MARCHF1: variants seen among roughly 807,000 people sequenced by gnomAD.
The protein encoded by MARCHF1 is E3 ubiquitin-protein ligase MARCHF1.
A neutral mutation model predicts 54.2 loss-of-function variants in MARCHF1; 40 were observed. That is an observed-to-expected ratio of 0.74 (90% CI 0.57 to 0.96). The LOEUF is 0.96. MARCHF1 is among the 40% of genes least tolerant of loss of function. The pLI, the probability that MARCHF1 is intolerant of heterozygous loss-of-function variation, is 0.00. For missense variants in MARCHF1, 586 were observed against 656.5 expected (o/e 0.89, Z 1.17); for synonymous variants, 236 against 236.3 (o/e 1.00, Z 0.01).
At chr4:163,774,163 A>C (rs1747239168) in intron 4 of MARCHF1, among the ~76,000 whole-genome samples, 2 of 152,186 alleles carry the variant, frequency 1.3e-5, no homozygotes, top group Non-Finnish European at 2.9e-5. Flanking sequence ...CCTCTTATAT[A>C]TTTAAATCAT....
chr4:163,668,658 A>T (rs1743624234), intron 5 of MARCHF1, among the ~76,000 whole-genome samples: 1 of 152,170 alleles, frequency 6.6e-6, no homozygotes, highest in Admixed American at 6.6e-5. Context: ...ATCAGTAAAG[A>T]GCTGGGTGGT....
rs528449067 is a variant in MARCHF1, at chr4:163,872,332, A to G, written c.-38-18163T>C. Among the ~76,000 whole-genome samples the G allele has an allele frequency of 3.9e-5, 6 of 152,326 alleles. No individual in the cohort carries two copies. In the East Asian group the frequency reaches 1.2e-3, roughly 29 times the overall value. ...ATGCCAAAGAACACTTAATTTTTTCATTTAAATCTACACAGTGAACCTTTG... is the reference window on the plus strand; with the variant it reads ...ATGCCAAAGAACACTTAATTTTTTCGTTTAAATCTACACAGTGAACCTTTG... On this transcript the variant is annotated intron_variant, in intron 3 of 9. Transcript: ENST00000514618.
chr4:163,579,931 A>AT (rs1463888660), intron 8 of MARCHF1, among the ~76,000 whole-genome samples: 6 of 152,160 alleles, frequency 3.9e-5, no homozygotes, highest in African/African-American at 1.4e-4. Context: ...TTGAGAATTA[A>AT]TTAAAAAGAA....
At chr4:163,674,519 G>A (rs1302280397) in intron 5 of MARCHF1, among the ~76,000 whole-genome samples, 1 of 152,110 alleles carries the variant, frequency 6.6e-6, no homozygotes. Context: ...GAAAAGGACC[G>A]ATGAGTTTGC....
At chr4:164,183,920 G>T (rs2111022957) in intron 1 of MARCHF1, among the ~76,000 whole-genome samples, 1 of 152,256 alleles carries the variant, frequency 6.6e-6, no homozygotes, top group African/African-American at 2.4e-5. Flanking sequence ...GAAAACTACT[G>T]GTCCTTAGTC....
At chr4:164,092,646 T>C (rs1755329338) in intron 2 of MARCHF1, among the ~76,000 whole-genome samples, 2 of 152,158 alleles carry the variant, frequency 1.3e-5, no homozygotes, top group South Asian at 4.1e-4. Flanking sequence ...TCGTCTGCAG[T>C]GCTTCAGAGT....
intron 1 of MARCHF1, among the ~76,000 whole-genome samples, chr4:164,304,481 AATATAGCACTACAGCAGTGGTCAG>A (rs1186780501): frequency 6.6e-6 from 1 of 152,182 alleles, no homozygotes; most frequent in East Asian, 1.9e-4. Context: ...TTAGAGTCAG[AATATAGCACTACAGCAGTGGTCAG>A]ATCTGGCACA....
chr4:163,909,772 A>G (rs1751149363), intron 3 of MARCHF1, among the ~76,000 whole-genome samples: 2 of 152,172 alleles, frequency 1.3e-5, no homozygotes, highest in African/African-American at 4.8e-5. Flanking sequence ...TTGAGTTCAT[A>G]TTTTTTATCA....
At chr4:164,187,416 G>A (rs1410409745) in intron 1 of MARCHF1, among the ~76,000 whole-genome samples, 1 of 152,116 alleles carries the variant, frequency 6.6e-6, no homozygotes, top group African/African-American at 2.4e-5. Context: ...TTATAAGTCT[G>A]GATTTCCAAC....
chr4:163,803,546 T>C (rs1475409041), intron 4 of MARCHF1, among the ~76,000 whole-genome samples: 1 of 151,004 alleles, frequency 6.6e-6, no homozygotes, highest in Non-Finnish European at 1.5e-5. Flanking sequence ...GCATTTTAAT[T>C]AAATGCTTTA....
At chr4:164,045,353 A>C (rs1043479209) in intron 2 of MARCHF1, among the ~76,000 whole-genome samples, 7 of 151,922 alleles carry the variant, frequency 4.6e-5, no homozygotes, top group Non-Finnish European at 1.5e-5. Flanking sequence ...CTCTACCAAA[A>C]ATACAAAAAT....
chr4:163,904,607 A>G (rs1046420042), intron 3 of MARCHF1, among the ~76,000 whole-genome samples: 8 of 152,222 alleles, frequency 5.3e-5, no homozygotes, highest in African/African-American at 1.9e-4. Flanking sequence ...CCCTTGGCAC[A>G]GTAGATATTA....
intron 4 of MARCHF1, among the ~76,000 whole-genome samples, chr4:163,726,453 T>A (rs1302391917): frequency 6.6e-6 from 1 of 152,226 alleles, no homozygotes; most frequent in Non-Finnish European, 1.5e-5. Flanking sequence ...ACCAGATCTT[T>A]TTTTAGGTCC....
intron 1 of MARCHF1, among the ~76,000 whole-genome samples, chr4:164,346,365 G>C (rs370412136): frequency 1.3e-5 from 2 of 151,968 alleles, no homozygotes; most frequent in Non-Finnish European, 2.9e-5. Context: ...AGAAAAACTC[G>C]TATGCTTTGA....
chr4:163,597,130 A>AT (rs34792090), intron 7 of MARCHF1, among the ~76,000 whole-genome samples: 29 of 151,554 alleles, frequency 1.9e-4, no homozygotes, highest in African/African-American at 5.6e-4. Flanking sequence ...TAATTTTTGC[A>AT]TTTTTTTTGG....
At chr4:164,125,281 C>T (rs1419442346) in intron 1 of MARCHF1, among the ~76,000 whole-genome samples, 1 of 152,042 alleles carries the variant, frequency 6.6e-6, no homozygotes, top group Non-Finnish European at 1.5e-5. Flanking sequence ...TGTCATTTAA[C>T]ATTCATTCTT....
At chr4:164,291,976 T>C (rs549884413) in intron 1 of MARCHF1, among the ~76,000 whole-genome samples, 1 of 152,254 alleles carries the variant, frequency 6.6e-6, no homozygotes, top group East Asian at 1.9e-4. Flanking sequence ...GATGTTGTCA[T>C]ACATTTTGCT....
intron 4 of MARCHF1, among the ~76,000 whole-genome samples, chr4:163,847,342 T>C (rs1175736957): frequency 1.3e-5 from 2 of 152,176 alleles, no homozygotes; most frequent in Admixed American, 6.5e-5. Flanking sequence ...ATACTTAGGC[T>C]GTGTAAGAAG....
chr4:163,869,429 G>T (rs1750123131), intron 3 of MARCHF1, among the ~76,000 whole-genome samples: 1 of 152,046 alleles, frequency 6.6e-6, no homozygotes, highest in African/African-American at 2.4e-5. Context: ...TACATCCAGT[G>T]GGCTGCATAA....
Sources: gnomAD v4.1 joint callset for allele counts (sites outside exome capture counted in the v4.1 genomes callset) on GRCh38, gnomAD v4.1.1 for gene constraint, MANE v1.5 for transcripts, NCBI Gene and HGNC (gene_info 2026-07-23, HGNC 2026-07-21) for gene names.